Variants in ITCH observed in about 807,000 individuals in gnomAD.
The protein encoded by ITCH is itchy E3 ubiquitin protein ligase.
In ITCH, 28 loss-of-function variants were observed where a neutral mutation model predicts 126.8. The observed-to-expected ratio is 0.22, with a 90% CI of 0.16 to 0.30. ITCH has a LOEUF of 0.30. Ranked by LOEUF, ITCH falls within the 10% of genes least tolerant of loss-of-function variation. The probability of loss-of-function intolerance (pLI) is 1.00; values close to 1 mark genes in which losing one functional copy is unlikely to be tolerated. For missense variants in ITCH, 631 were observed against 1,032.4 expected (o/e 0.61, Z 5.33); for synonymous variants, 342 against 340.0 (o/e 1.01, Z -0.06).
chr20:34,452,871 T>G (rs1225609757), intron 12 of ITCH, among the ~76,000 whole-genome samples: 2 of 152,322 alleles, frequency 1.3e-5, no homozygotes, highest in Middle Eastern at 3.4e-3. Context: ...ATGAACATAC[T>G]ATAGAGGATA....
At chr20:34,379,240 G>A (rs77954578) in intron 2 of ITCH, among the ~76,000 whole-genome samples, 4,290 of 152,100 alleles carry the variant, frequency 0.028, 89 homozygotes, top group Non-Finnish European at 0.044. Flanking sequence ...TGCCTGGCTG[G>A]TTGATTTTAT....
In ITCH at chr20:34,386,579, C is replaced by T. The variant is rs78725545; in HGVS notation, c.-21-7212C>T. On this transcript the variant is annotated intron_variant, in intron 2 of 24. Transcript: ENST00000374864. ...ACTTTCTGTCACAAGCAGTTTTTCTCCTTAGTTTTTTTGTGTCTTCTGAAA... is the reference window on the plus strand; with the variant it reads ...ACTTTCTGTCACAAGCAGTTTTTCTTCTTAGTTTTTTTGTGTCTTCTGAAA... 9.1e-3 allele frequency among the ~76,000 whole-genome samples: 1,382 copies of T among 152,186 alleles called. 22 individuals carry two copies. Among genetic ancestry groups the T allele is most frequent in the African/African-American group, 0.031 (1,306 of 41,522 alleles).
intron 2 of ITCH, chr20:34,384,272 T>G (rs2038185189): frequency 7.2e-6 from 1 of 139,616 alleles, no homozygotes; most frequent in Admixed American, 8.6e-5. Flanking sequence ...AGCCGAGGCC[T>G]GTAATTCTTT....
At chr20:34,447,270 TTGTACTTGA>T (rs574528119) in intron 11 of ITCH, among the ~76,000 whole-genome samples, 45 of 152,224 alleles carry the variant, frequency 3.0e-4, no homozygotes, top group African/African-American at 1.0e-3. Flanking sequence ...TTTTTACTCT[TTGTACTTGA>T]TGTGGAGTGG....
chr20:34,370,645 C>T (rs2037586990), intron 2 of ITCH, among the ~76,000 whole-genome samples: 1 of 139,432 alleles, frequency 7.2e-6, no homozygotes, highest in Admixed American at 7.7e-5. Flanking sequence ...GCCTGGGCAA[C>T]AGAGTGAGAG....
At chr20:34,378,099 C>CTA (rs898029473) in intron 2 of ITCH, among the ~76,000 whole-genome samples, 3 of 150,906 alleles carry the variant, frequency 2.0e-5, no homozygotes, top group African/African-American at 7.3e-5. Context: ...ATTTTAGAGA[C>CTA]TATAGTCTTT....
At chr20:34,442,172 C>T (rs1983841904) in intron 9 of ITCH, 36 bp from the exon 10 acceptor site, 1 of 1,489,574 alleles carries the variant, frequency 6.7e-7, no homozygotes, top group East Asian at 2.3e-5. Flanking sequence ...GTAACTCATG[C>T]AAGTATTTTA....
chr20:34,491,332 A>G (rs2146515333), intron 22 of ITCH, among the ~76,000 whole-genome samples: 1 of 152,358 alleles, frequency 6.6e-6, no homozygotes, highest in Middle Eastern at 3.4e-3. Context: ...TTCCACTTAC[A>G]TGAGGTTACT....
At chr20:34,438,346 A>C in intron 7 of ITCH, 128 bp from the exon 8 acceptor site, 1 of 946,336 alleles carries the variant, frequency 1.1e-6, no homozygotes, top group Non-Finnish European at 1.6e-6. Flanking sequence ...GGCTGACCAG[A>C]AATTAAAAAG....
chr20:34,403,749 AATCAAAGAGAAGGGGGATGTTTATC>A (rs2038961750), intron 3 of ITCH, among the ~76,000 whole-genome samples: 1 of 152,186 alleles, frequency 6.6e-6, no homozygotes, highest in South Asian at 2.1e-4. Context: ...AGAAGCCTTT[AATCAAAGAGAAGGGGGATGTTTATC>A]TCTCAGGAAA....
At chr20:34,438,323 A>G (rs1983291755) in intron 7 of ITCH, 151 bp from the exon 8 acceptor site, 3 of 735,048 alleles carry the variant, frequency 4.1e-6, no homozygotes, top group Non-Finnish European at 6.8e-6. Flanking sequence ...AAGGCTCTTT[A>G]TGTATTTAAT....
At chr20:34,381,550 C>G (rs1053689624) in intron 2 of ITCH, among the ~76,000 whole-genome samples, 4 of 151,974 alleles carry the variant, frequency 2.6e-5, no homozygotes, top group African/African-American at 9.7e-5. Context: ...CCTCAGACTC[C>G]CGGGTAGCTG....
At chr20:34,398,406 CT>C (rs112882966) in intron 3 of ITCH, among the ~76,000 whole-genome samples, 65 of 143,738 alleles carry the variant, frequency 4.5e-4, no homozygotes, top group Admixed American at 5.6e-4. Context: ...TATTCTTTTT[CT>C]TTTTTTTTTT....
At chr20:34,504,299 A>G (rs745961464) in intron 23 of ITCH, 32 bp from the exon 24 acceptor site, 2 of 1,536,712 alleles carry the variant, frequency 1.3e-6, no homozygotes, top group Non-Finnish European at 1.8e-6. Flanking sequence ...CCACTATACT[A>G]ACAAACTGTT....
intron 10 of ITCH, 24 bp from the exon 11 acceptor site, chr20:34,445,260 GTTT>G (rs376762756): frequency 4.0e-5 from 58 of 1,434,996 alleles, no homozygotes; most frequent in Admixed American, 1.5e-4. Context: ...GAATTAGCTT[GTTT>G]TTTTTTTTTT....
chr20:34,490,252 T>C (rs534086637), intron 22 of ITCH, among the ~76,000 whole-genome samples: 351 of 152,346 alleles, frequency 2.3e-3, no homozygotes, highest in African/African-American at 8.2e-3. Flanking sequence ...ATTAATTATA[T>C]AATGTTCAGA....
intron 13 of ITCH, among the ~76,000 whole-genome samples, chr20:34,459,429 T>C (rs539977476): frequency 6.6e-6 from 1 of 152,266 alleles, no homozygotes; most frequent in African/African-American, 2.4e-5. Flanking sequence ...TGCCCTTTAG[T>C]CTCTAGTTCC....
rs1358874714 is a variant in ITCH at position 34,448,586 on chromosome 20, T to C, written c.1141-825T>C. On this transcript the variant is annotated intron_variant, in intron 11 of 24. Transcript: ENST00000374864. ...GAATGTGGGATTCATTGCCCTGTTTTACTTGTTTTTTTTTTCTTCCCCATA... is the reference window on the plus strand; with the variant it reads ...GAATGTGGGATTCATTGCCCTGTTTCACTTGTTTTTTTTTTCTTCCCCATA... Among the ~76,000 whole-genome samples the C allele has an allele frequency of 3.3e-5, 5 of 152,042 alleles. No individual in the cohort carries two copies. The East Asian group carries it at 9.6e-4, about 29-fold the overall frequency.
chr20:34,416,090 C>G (rs1979800763), intron 6 of ITCH, among the ~76,000 whole-genome samples: 1 of 150,466 alleles, frequency 6.6e-6, no homozygotes, highest in African/African-American at 2.5e-5. Flanking sequence ...CCACTGCACT[C>G]TATCCTGGGT....
Sources: allele counts gnomAD v4.1 joint callset (sites outside exome capture counted in the v4.1 genomes callset), GRCh38; gene constraint gnomAD v4.1.1; transcripts MANE v1.5; gene names NCBI Gene and HGNC (gene_info 2026-07-23, HGNC 2026-07-21).